The following FOXP4 variants were observed in gnomAD, a reference collection of about 807,000 sequenced individuals.
FOXP4 encodes forkhead box protein P4.
FOXP4 carries 25 observed loss-of-function variants against 82.6 expected under a neutral mutation model. That is an observed-to-expected ratio of 0.30 (90% CI 0.22 to 0.42). The LOEUF is 0.42. Ranked by LOEUF, FOXP4 falls within the 10% of genes least tolerant of loss-of-function variation. The pLI, the probability that FOXP4 is intolerant of heterozygous loss-of-function variation, is 1.00. For missense variants in FOXP4, 785 were observed against 900.9 expected, an observed-to-expected ratio of 0.87 and a Z score of 1.65; for synonymous variants, 415 against 388.2, an observed-to-expected ratio of 1.07 and a Z score of -0.81.
chr6:41,572,084 A>G (rs965665553), intron 2 of FOXP4, among the ~76,000 whole-genome samples: 2 of 152,200 alleles, frequency 1.3e-5, no homozygotes, highest in East Asian at 3.8e-4. Context: ...ATAAAAAATC[A>G]TTGTCCCTGT....
At chr6:41,586,894 G>A (rs896717665) in intron 5 of FOXP4, 115 bp from the exon 6 acceptor site, 67 of 1,434,648 alleles carry the variant, frequency 4.7e-5, no homozygotes, top group African/African-American at 1.6e-4. Context: ...ACGCCACAAC[G>A]ACAGCTCCAG....
intron 16 of FOXP4, among the ~76,000 whole-genome samples, chr6:41,598,542 C>G (rs1400011465): frequency 1.3e-5 from 2 of 152,156 alleles, no homozygotes; most frequent in African/African-American, 4.8e-5. Flanking sequence ...CTTCTCCTTC[C>G]TCCGTTCGCT....
rs1204350323 is a variant in FOXP4, at chr6:41,585,583, G to A, written c.510+66G>A. On this transcript the variant is annotated intron_variant, in intron 5 of 16. Coordinates refer to ENST00000307972, the MANE Select transcript of FOXP4 (RefSeq NM_001012426.2). ...TGCCCAGAGCTGGGTGTCCAGAGCT[G>A]GTCAGGAGGGAATTGCCTTGCAGGA... The A allele has an allele frequency of 1.3e-5, 18 of 1,439,602 alleles. No individual in the cohort carries two copies. In the East Asian group the frequency reaches 2.4e-4, roughly 19 times the overall value. The allele number at this position is 1,439,602 out of a possible 1,614,324, so 89.2% of individuals were successfully genotyped here.
Position 41,558,092 on chromosome 6 carries a change from T to A in FOXP4, c.-16-7653T>A, listed in dbSNP as rs778663927. Among the ~76,000 whole-genome samples the A allele has an allele frequency of 4.6e-5, 7 of 151,958 alleles. No individual in the cohort carries two copies. Among genetic ancestry groups the A allele is most frequent in the Admixed American group, 6.6e-5 (1 of 15,262 alleles). ...CCCAGGCCAGGAACTCAGGCAGAGA[T>A]GGGGGTACAGAGGGAAGTCCAGCGT... On this transcript the variant is annotated intron_variant, in intron 1 of 16. Coordinates refer to ENST00000307972, the MANE Select transcript of FOXP4 (RefSeq NM_001012426.2). This position sits in a 1 kb window ranked among gnomAD's most constrained non-coding sequence, Gnocchi z 4.0.
chr6:41,588,561 G>T, intron 8 of FOXP4, 83 bp from the exon 9 acceptor site: 1 of 1,347,286 alleles, frequency 7.4e-7, no homozygotes, highest in Non-Finnish European at 1.1e-6. Context: ...CAGGCCATGG[G>T]TGGGATTAGA....
At chr6:41,554,189 C>A (rs1764155021) in intron 1 of FOXP4, among the ~76,000 whole-genome samples, 1 of 152,224 alleles carries the variant, frequency 6.6e-6, no homozygotes, top group African/African-American at 2.4e-5. Flanking sequence ...ACCTGACTTG[C>A]CCCGAGTCAC....
intron 8 of FOXP4, among the ~76,000 whole-genome samples, chr6:41,588,132 C>T (rs1430670738): frequency 5.3e-5 from 8 of 152,208 alleles, no homozygotes; most frequent in Admixed American, 3.3e-4. Flanking sequence ...GCGCAGGGTG[C>T]GGGTAGGAGA....
chr6:41,565,623 G>A (rs920060483), intron 1 of FOXP4, 122 bp from the exon 2 acceptor site: 8 of 884,958 alleles, frequency 9.0e-6, no homozygotes, highest in Middle Eastern at 2.9e-4. Context: ...CCTCTGGGAA[G>A]TTGAGGAGAA....
At chr6:41,588,320 T>C (rs1259112440) in intron 8 of FOXP4, among the ~76,000 whole-genome samples, 1 of 152,204 alleles carries the variant, frequency 6.6e-6, no homozygotes, top group African/African-American at 2.4e-5. Context: ...GCTCTGTCAC[T>C]GACTGATTAA....
intron 1 of FOXP4, 93 bp downstream of exon 1, chr6:41,546,960 GGCTCACTTT>G (rs1323464007): frequency 6.6e-6 from 1 of 151,358 alleles, no homozygotes; most frequent in Admixed American, 6.6e-5. Context: ...CCCGCTCGCT[GGCTCACTTT>G]GTGTTTGCAA....
intron 2 of FOXP4, among the ~76,000 whole-genome samples, chr6:41,573,248 C>G (rs1012433858): frequency 6.6e-6 from 1 of 152,170 alleles, no homozygotes; most frequent in Non-Finnish European, 1.5e-5. Context: ...TCCCACCCCC[C>G]ACTCCACCAA....
chr6:41,562,597 T>C (rs1325071657), intron 1 of FOXP4, among the ~76,000 whole-genome samples: 2 of 152,210 alleles, frequency 1.3e-5, no homozygotes, highest in Admixed American at 1.3e-4. Context: ...ATGATACTCC[T>C]TGAGTGTTGG....
At chr6:41,557,765 G>T (rs1229234880) in intron 1 of FOXP4, among the ~76,000 whole-genome samples, 2 of 152,118 alleles carry the variant, frequency 1.3e-5, no homozygotes, top group African/African-American at 2.4e-5. Context: ...TGTAGGGTAG[G>T]ATTATGAGTA....
chr6:41,566,357 G>T lies in FOXP4; in HGVS notation c.204+393G>T, dbSNP rs185677024. ...AAATGAACAGGGTTAAGAGGGTGCT[G>T]TGCACACAGGGGGATCTTCACATTA... On this transcript the variant is annotated intron_variant, in intron 2 of 16. Transcript: ENST00000307972. Among the ~76,000 whole-genome samples the T allele has an allele frequency of 2.0e-5, 3 of 152,328 alleles. No individual in the cohort carries two copies. In the East Asian group the frequency reaches 5.8e-4, roughly 29 times the overall value.
At chr6:41,574,733 G>A (rs1484000130) in intron 2 of FOXP4, among the ~76,000 whole-genome samples, 1 of 152,224 alleles carries the variant, frequency 6.6e-6, no homozygotes, top group East Asian at 1.9e-4. Context: ...CCAGGCCGCA[G>A]TGCCAGCAGG....
intron 3 of FOXP4, among the ~76,000 whole-genome samples, chr6:41,579,771 C>G (rs1765692762): frequency 6.6e-6 from 1 of 152,196 alleles, no homozygotes; most frequent in South Asian, 2.1e-4. Context: ...TCCAAAAATT[C>G]ATTGATTGAT....
At chr6:41,598,742 G>T (rs1001144798) in intron 16 of FOXP4, 47 bp from the exon 17 acceptor site, 2 of 1,548,640 alleles carry the variant, frequency 1.3e-6, no homozygotes, top group African/African-American at 2.7e-5. Flanking sequence ...GGGGCAGAGG[G>T]CATCAGAGGA....
intron 2 of FOXP4, among the ~76,000 whole-genome samples, chr6:41,572,523 A>G (rs1765260359): frequency 2.0e-5 from 3 of 152,170 alleles, no homozygotes; most frequent in Non-Finnish European, 4.4e-5. Flanking sequence ...GGTAAAGGTA[A>G]TAGGCTTTCC....
intron 1 of FOXP4, among the ~76,000 whole-genome samples, chr6:41,560,959 A>G (rs1764542830): frequency 6.6e-6 from 1 of 152,118 alleles, no homozygotes; most frequent in Non-Finnish European, 1.5e-5. Context: ...TTTGGCCCCA[A>G]GGTAGGTGGA....
Sources: gnomAD v4.1 joint callset for allele counts (sites outside exome capture counted in the v4.1 genomes callset) on GRCh38, gnomAD v4.1.1 for gene constraint, Gnocchi (gnomAD v3.1) non-coding constraint, MANE v1.5 for transcripts, NCBI Gene and HGNC (gene_info 2026-07-23, HGNC 2026-07-21) for gene names.